Variants in CACNA2D3 observed in about 807,000 individuals in gnomAD.
CACNA2D3 encodes the protein voltage-dependent calcium channel subunit alpha-2/delta-3.
In CACNA2D3, 60 loss-of-function variants were observed where a neutral mutation model predicts 160.6. The ratio of observed to expected loss-of-function variants is 0.37; its 90% CI spans 0.30 to 0.46. CACNA2D3 has a LOEUF of 0.46. CACNA2D3 is among the 20% of genes least tolerant of loss of function. CACNA2D3 has a pLI of 1.00. For missense variants in CACNA2D3, 1,205 were observed against 1,365.0 expected (o/e 0.88, Z 1.85); for synonymous variants, 558 against 492.9 (o/e 1.13, Z -1.75).
chr3:54,631,937 CTG>C (rs1167424232), intron 10 of CACNA2D3, among the ~76,000 whole-genome samples: 4 of 152,206 alleles, frequency 2.6e-5, no homozygotes. Flanking sequence ...ATTTCAAAGA[CTG>C]TTAATCACAA....
At chr3:54,816,485 C>T (rs893883864) in intron 13 of CACNA2D3, among the ~76,000 whole-genome samples, 1 of 152,122 alleles carries the variant, frequency 6.6e-6, no homozygotes, top group Non-Finnish European at 1.5e-5. Context: ...TGGCCCTCAT[C>T]CAGTTGAAAA....
chr3:54,929,916 A>G (rs1462597352), intron 27 of CACNA2D3, among the ~76,000 whole-genome samples: 1 of 152,188 alleles, frequency 6.6e-6, no homozygotes, highest in Non-Finnish European at 1.5e-5. Flanking sequence ...ACTCCTTCTA[A>G]GAACTAGAAA....
chr3:54,567,275 C>T (rs1490243527), intron 6 of CACNA2D3, among the ~76,000 whole-genome samples: 1 of 152,128 alleles, frequency 6.6e-6, no homozygotes, highest in African/African-American at 2.4e-5. Flanking sequence ...TATTTTTGAT[C>T]AGATATTTTA....
At chr3:54,402,904 A>T (rs1198438135) in intron 4 of CACNA2D3, among the ~76,000 whole-genome samples, 1 of 152,236 alleles carries the variant, frequency 6.6e-6, no homozygotes, top group Non-Finnish European at 1.5e-5. Context: ...TAACAAACTT[A>T]AGAAGATTGG....
chr3:54,443,761 A>T (rs1700179294), intron 4 of CACNA2D3, among the ~76,000 whole-genome samples: 1 of 152,142 alleles, frequency 6.6e-6, no homozygotes, highest in African/African-American at 2.4e-5. Context: ...TTGAATGCAG[A>T]TAGAAAAACT....
At chr3:54,135,985 G>T (rs1000612212) in intron 2 of CACNA2D3, among the ~76,000 whole-genome samples, 1 of 152,224 alleles carries the variant, frequency 6.6e-6, no homozygotes, top group Non-Finnish European at 1.5e-5. Flanking sequence ...TGGACGACAG[G>T]GGGAGGCAGC....
chr3:54,719,077 T>C (rs1158367280), intron 11 of CACNA2D3, among the ~76,000 whole-genome samples: 2 of 151,890 alleles, frequency 1.3e-5, no homozygotes, highest in Non-Finnish European at 2.9e-5. Flanking sequence ...TATAATCATA[T>C]TGTGTTTGAA....
chr3:54,683,259 T>C lies in CACNA2D3; in HGVS notation c.1167+41018T>C, dbSNP rs79665946. ...GCCTGAGATGGCAGCTCCCCACAGA[T>C]AGAGGTGTGAGTTCTCTCTTTCCCT... On this transcript the variant is annotated intron_variant, in intron 11 of 37. Coordinates refer to ENST00000474759, the MANE Select transcript of CACNA2D3 (RefSeq NM_018398.3). 2.3e-3 allele frequency among the ~76,000 whole-genome samples: 345 copies of C among 152,316 alleles called. 1 individual carries two copies. Among genetic ancestry groups the C allele is most frequent in the African/African-American group, 7.4e-3 (307 of 41,572 alleles).
At chr3:54,553,989 A>C (rs1204451207) in intron 5 of CACNA2D3, among the ~76,000 whole-genome samples, 1 of 152,180 alleles carries the variant, frequency 6.6e-6, no homozygotes, top group Non-Finnish European at 1.5e-5. Context: ...CTATCTGCTA[A>C]AATCCTTGCC....
intron 17 of CACNA2D3, among the ~76,000 whole-genome samples, chr3:54,863,459 A>C (rs1699336526): frequency 6.6e-6 from 1 of 152,126 alleles, no homozygotes; most frequent in Non-Finnish European, 1.5e-5. Flanking sequence ...CCGGCACGAA[A>C]GGTTCCTCCC....
intron 35 of CACNA2D3, among the ~76,000 whole-genome samples, chr3:55,056,046 T>C (rs1256625714): frequency 6.6e-6 from 1 of 152,112 alleles, no homozygotes; most frequent in Non-Finnish European, 1.5e-5. Flanking sequence ...GTAAGCCATA[T>C]ACCAGAAAAA....
At chr3:54,666,737 G>A (rs1158284099) in intron 11 of CACNA2D3, among the ~76,000 whole-genome samples, 1 of 152,158 alleles carries the variant, frequency 6.6e-6, no homozygotes, top group Non-Finnish European at 1.5e-5. Flanking sequence ...GTTAAACCAC[G>A]TTTTTCTAAG....
intron 11 of CACNA2D3, among the ~76,000 whole-genome samples, chr3:54,692,172 C>G (rs918064920): frequency 2.0e-5 from 3 of 152,278 alleles, no homozygotes; most frequent in Non-Finnish European, 4.4e-5. Context: ...CAGGGTTTCA[C>G]CATGTTGGCC....
intron 11 of CACNA2D3, among the ~76,000 whole-genome samples, chr3:54,745,681 C>A (rs891541100): frequency 3.3e-5 from 5 of 152,136 alleles, no homozygotes; most frequent in Non-Finnish European, 1.5e-5. Context: ...TTCCATTGTA[C>A]CAACCCCAGG....
chr3:54,864,371 T>A (rs933631574), intron 17 of CACNA2D3, among the ~76,000 whole-genome samples: 2 of 152,098 alleles, frequency 1.3e-5, no homozygotes, highest in Non-Finnish European at 2.9e-5. Flanking sequence ...CCTCCCAGTT[T>A]CAAGCAATTT....
At chr3:54,777,909 A>G (rs919142200) in intron 13 of CACNA2D3, among the ~76,000 whole-genome samples, 4 of 152,170 alleles carry the variant, frequency 2.6e-5, no homozygotes, top group African/African-American at 7.2e-5. Flanking sequence ...CCAATTTGAA[A>G]AGTTTTCATA....
intron 3 of CACNA2D3, among the ~76,000 whole-genome samples, chr3:54,345,305 C>G (rs573100739): frequency 6.6e-6 from 1 of 152,330 alleles, no homozygotes; most frequent in Non-Finnish European, 1.5e-5. Context: ...CCAGCTATTT[C>G]TGTTTTTTCC....
At chr3:54,597,392 T>G (rs1239675281) in intron 9 of CACNA2D3, among the ~76,000 whole-genome samples, 1 of 152,118 alleles carries the variant, frequency 6.6e-6, no homozygotes, top group African/African-American at 2.4e-5. Context: ...TTTCTTTCTT[T>G]TTTTTCCACT....
chr3:54,169,695 ATG>A (rs36122231), intron 2 of CACNA2D3, among the ~76,000 whole-genome samples: 8,140 of 131,762 alleles, frequency 0.062, 257 homozygotes, highest in South Asian at 0.1. Context: ...ATGTGTGTGC[ATG>A]TGTGTGTGCA....
Sources: allele counts gnomAD v4.1 joint callset (sites outside exome capture counted in the v4.1 genomes callset), GRCh38; gene constraint gnomAD v4.1.1; transcripts MANE v1.5; gene names NCBI Gene and HGNC (gene_info 2026-07-23, HGNC 2026-07-21).